REV3L: variants seen among roughly 807,000 people sequenced by gnomAD.
REV3L encodes the protein REV3 like, DNA directed polymerase zeta catalytic subunit, also known as DNA polymerase zeta catalytic subunit.
REV3L carries 69 observed loss-of-function variants against 299.4 expected under a neutral mutation model. The observed-to-expected ratio is 0.23, with a 90% confidence interval of 0.19 to 0.28. REV3L has a LOEUF of 0.28. Among genes scored for constraint, REV3L ranks in the 10% least tolerant of loss-of-function variants. REV3L has a pLI of 1.00. For missense variants in REV3L, 3,128 were observed against 3,693.8 expected (o/e 0.85, Z 3.97); for synonymous variants, 1,238 against 1,271.4 (o/e 0.97, Z 0.56).
At chr6:111,383,590 G>C (rs1781049603) in intron 9 of REV3L, among the ~76,000 whole-genome samples, 1 of 152,038 alleles carries the variant, frequency 6.6e-6, no homozygotes, top group Admixed American at 6.6e-5. Context: ...ATAAAACACT[G>C]ATGCAAGAAA....
chr6:111,316,994 A>G (rs1773602716), intron 26 of REV3L, among the ~76,000 whole-genome samples: 1 of 152,230 alleles, frequency 6.6e-6, no homozygotes, highest in Non-Finnish European at 1.5e-5. Context: ...TATATTCTAC[A>G]ACCTGACCAC....
At chr6:111,435,194 A>G (rs1244516491) in intron 1 of REV3L, among the ~76,000 whole-genome samples, 2 of 152,226 alleles carry the variant, frequency 1.3e-5, no homozygotes, top group Non-Finnish European at 2.9e-5. Context: ...TGTAAGACAC[A>G]GCAAGATCCT....
intron 11 of REV3L, 24 bp downstream of exon 11, chr6:111,379,958 C>G: frequency 7.3e-7 from 1 of 1,377,358 alleles, no homozygotes; most frequent in Non-Finnish European, 1.0e-6. Flanking sequence ...GTTAATAAAA[C>G]AACTGCAATA....
chr6:111,481,800 C>T (rs1414050454), intron 1 of REV3L, among the ~76,000 whole-genome samples: 1 of 152,152 alleles, frequency 6.6e-6, no homozygotes, highest in Middle Eastern at 3.2e-3. Context: ...TAAACTGGGC[C>T]TCTATCTTTT....
intron 1 of REV3L, among the ~76,000 whole-genome samples, chr6:111,445,853 G>C (rs1490435577): frequency 2.0e-5 from 3 of 152,230 alleles, no homozygotes; most frequent in Non-Finnish European, 4.4e-5. Context: ...CAAAAAAACA[G>C]AGGGAACAGT....
intron 1 of REV3L, among the ~76,000 whole-genome samples, chr6:111,426,996 C>CA (rs1282984486): frequency 6.6e-6 from 1 of 152,078 alleles, no homozygotes; most frequent in Non-Finnish European, 1.5e-5. Context: ...AGAATGGTCA[C>CA]ACACATTAAT....
At chr6:111,335,893 G>A (rs1022879643) in intron 21 of REV3L, among the ~76,000 whole-genome samples, 5 of 151,922 alleles carry the variant, frequency 3.3e-5, no homozygotes, top group African/African-American at 1.2e-4. Context: ...GCTTGATGTT[G>A]CTCTATTCTT....
At chr6:111,402,266 T>C (rs1038706400) in intron 4 of REV3L, among the ~76,000 whole-genome samples, 3 of 152,076 alleles carry the variant, frequency 2.0e-5, no homozygotes, top group Non-Finnish European at 2.9e-5. Flanking sequence ...ATTCAAACTA[T>C]ACTGAAAAAA....
At chr6:111,386,884 G>C (rs2128250687) in intron 9 of REV3L, among the ~76,000 whole-genome samples, 1 of 151,918 alleles carries the variant, frequency 6.6e-6, no homozygotes, top group East Asian at 1.9e-4. Context: ...ACCACGCCCG[G>C]CTAATTTTTG....
rs1384882649 is a variant in REV3L at position 111,299,232 on chromosome 6, A to G, written c.*784T>C. 6.6e-6 allele frequency: 1 copy of G among 152,612 alleles called. No individual in the cohort carries two copies. The highest frequency in any genetic ancestry group is 1.5e-5 in the Non-Finnish European group (1 of 68,022). 9.5% of individuals were successfully genotyped at this position (152,612 alleles called of 1,614,324 possible). On this transcript the variant is annotated 3_prime_UTR_variant, in exon 32 of 32. Transcript: ENST00000368802. ...AACTGTACAGTACATAAGGAAAGAA[A>G]ATATTTTAAGTATATTTAGAAGCAA... is the stretch of plus-strand genomic sequence containing the variant.
chr6:111,358,091 T>C (rs1778282901), intron 17 of REV3L, among the ~76,000 whole-genome samples: 2 of 152,344 alleles, frequency 1.3e-5, no homozygotes, highest in South Asian at 4.1e-4. Flanking sequence ...CTTGTAATGG[T>C]GACCACTGAA....
chr6:111,380,249 A>G (rs1780691628), intron 10 of REV3L, 30 bp from the exon 11 acceptor site: 1 of 1,490,980 alleles, frequency 6.7e-7, no homozygotes. Context: ...ATCACCAACA[A>G]ATAAGTTTTC....
chr6:111,473,785 G>A (rs939797609), intron 1 of REV3L, among the ~76,000 whole-genome samples: 2 of 151,940 alleles, frequency 1.3e-5, no homozygotes, highest in South Asian at 4.2e-4. Flanking sequence ...CGGGGGGAGA[G>A]GGGGTCAGTG....
At chr6:111,370,612 C>T (rs1779706282) in intron 13 of REV3L, among the ~76,000 whole-genome samples, 1 of 152,114 alleles carries the variant, frequency 6.6e-6, no homozygotes, top group Non-Finnish European at 1.5e-5. Context: ...CATTCTCAAC[C>T]CTTTCTTAAA....
chr6:111,469,645 G>A (rs1791944290), intron 1 of REV3L, among the ~76,000 whole-genome samples: 1 of 152,138 alleles, frequency 6.6e-6, no homozygotes, highest in Admixed American at 6.5e-5. Flanking sequence ...CTGCCTCCAG[G>A]TGAAAGAGCC....
chr6:111,338,312 CTTTTTTTTTTTTT>C (rs144497761), intron 21 of REV3L, among the ~76,000 whole-genome samples: 6,970 of 44,398 alleles, frequency 0.16, 729 homozygotes, highest in Non-Finnish European at 0.19. Flanking sequence ...GTCTAAAGTC[CTTTTTTTTTTTTT>C]TTTTTTTTTT....
In REV3L at chr6:111,415,058, C is replaced by A. The variant is rs1404675790; in HGVS notation, c.329+1225G>T. On this transcript the variant is annotated intron_variant, in intron 2 of 31. Coordinates refer to ENST00000368802, the MANE Select transcript of REV3L (RefSeq NM_001372078.1). ...CTTAAGTAATCCTTTCCAGTTTAAG[C>A]CAGATCTTGGCTGCTCAAAATCATG... 5.9e-5 allele frequency among the ~76,000 whole-genome samples: 9 copies of A among 152,210 alleles called. 1 individual carries two copies. In the East Asian group the frequency reaches 1.5e-3, roughly 26 times the overall value.
In REV3L at chr6:111,363,981, A is replaced by AT. The variant is rs750280302; in HGVS notation, c.6754-4dup. The AT allele has an allele frequency of 1.9e-6, 3 of 1,602,052 alleles. No homozygotes were observed. Among genetic ancestry groups the AT allele is most frequent in the Non-Finnish European group, 2.6e-6 (3 of 1,176,170 alleles). ...GTATTTACTGCTGCAAATTGATTCT[A>AT]TAAAAAAAAACACACACACACACAG... is the stretch of plus-strand genomic sequence containing the variant. On this transcript the variant is annotated splice_polypyrimidine_tract_variant and splice_region_variant and intron_variant, in intron 15 of 31. Coordinates refer to ENST00000368802, the MANE Select transcript of REV3L (RefSeq NM_001372078.1).
rs1491092566 is a variant in REV3L at position 111,422,647 on chromosome 6, T to TATATATATATATAC, written c.140-6176_140-6175insGTATATATATATAT. Among the ~76,000 whole-genome samples the TATATATATATATAC allele has an allele frequency of 1.5e-4, 3 of 20,338 alleles. 1 individual carries two copies. In the East Asian group the frequency reaches 2.7e-3, roughly 18 times the overall value. The allele number at this position is 20,338 out of a possible 152,430, so 13.3% of individuals were successfully genotyped here. A position where few individuals can be genotyped will look rare whatever the true frequency, so the allele number is the denominator to read the frequency against. On this transcript the variant is annotated intron_variant, in intron 1 of 31. Transcript: ENST00000368802. ...ATATATATACACATATATATATATA[T>TATATATATATATAC]ACATATATATATATACATATATATA...
Sources: allele counts gnomAD v4.1 joint callset (sites outside exome capture counted in the v4.1 genomes callset), GRCh38; gene constraint gnomAD v4.1.1; transcripts MANE v1.5; gene names NCBI Gene and HGNC (gene_info 2026-07-23, HGNC 2026-07-21).